SHISA9: variants seen among roughly 807,000 people sequenced by gnomAD.
SHISA9 encodes shisa family member 9.
A neutral mutation model predicts 38.0 loss-of-function variants in SHISA9; 13 were observed. The observed-to-expected ratio is 0.34, with a 90% CI of 0.22 to 0.54. The LOEUF (loss-of-function observed/expected upper bound fraction) is 0.54. SHISA9 is among the 20% of genes least tolerant of loss of function. The pLI, the probability that SHISA9 is intolerant of heterozygous loss-of-function variation, is 0.91. For missense variants in SHISA9, 538 were observed against 575.8 expected (o/e 0.93, Z 0.67); for synonymous variants, 275 against 242.0 (o/e 1.14, Z -1.27).
chr16:13,379,897 A>G, the SHISA9 span, among the ~76,000 whole-genome samples: 34 of 152,190 alleles, frequency 2.2e-4, no homozygotes, highest in Admixed American at 2.2e-3. Context: ...TACAGCTAAT[A>G]TTACATTATA....
At chr16:13,360,076 G>C in the SHISA9 span, among the ~76,000 whole-genome samples, 4 of 152,196 alleles carry the variant, frequency 2.6e-5, no homozygotes, top group Admixed American at 6.5e-5. Flanking sequence ...ATCCGGTTCT[G>C]GGGACTGGAA....
At position 12,916,539 on chromosome 16, in the gene SHISA9, T is replaced by TA. The variant is rs559172664; in HGVS notation, c.564-148dup. The TA allele has an allele frequency of 6.1e-5, 55 of 896,374 alleles. No homozygotes were observed. In the East Asian group the frequency reaches 1.1e-3, roughly 18 times the overall value. The allele number at this position is 896,374 out of a possible 1,614,324, so 55.5% of individuals were successfully genotyped here. A position where few individuals can be genotyped will look rare whatever the true frequency, so the allele number is the denominator to read the frequency against. ...TCTAATTACAGTGATTTTATTTACT[T>TA]ACGTTTTTCTCTACTCCACCCCTAA... On this transcript the variant is annotated intron_variant, in intron 1 of 4. Coordinates refer to ENST00000558583, the MANE Select transcript of SHISA9 (RefSeq NM_001145204.3).
intron 2 of SHISA9, among the ~76,000 whole-genome samples, chr16:13,075,891 C>T (rs1462784249): frequency 6.6e-6 from 1 of 152,056 alleles, no homozygotes; most frequent in Non-Finnish European, 1.5e-5. Flanking sequence ...CCTGTGCATT[C>T]TAGGGTGTTT....
chr16:13,162,581 T>C (rs1479285784), intron 2 of SHISA9, among the ~76,000 whole-genome samples: 1 of 152,178 alleles, frequency 6.6e-6, no homozygotes, highest in African/African-American at 2.4e-5. Context: ...TCCTCTCTGG[T>C]AGAACTGGGC....
At chr16:12,962,007 G>A (rs868485754) in intron 2 of SHISA9, among the ~76,000 whole-genome samples, 2 of 152,202 alleles carry the variant, frequency 1.3e-5, no homozygotes, top group African/African-American at 2.4e-5. Flanking sequence ...CTGTGGCGAC[G>A]TCAACATCAG....
At chr16:13,214,747 T>C (rs1394973074) in intron 4 of SHISA9, among the ~76,000 whole-genome samples, 2 of 152,066 alleles carry the variant, frequency 1.3e-5, no homozygotes, top group Non-Finnish European at 2.9e-5. Context: ...AAGGGAGAGC[T>C]TGTGCGGAGA....
At chr16:13,542,660 A>G in the SHISA9 span, among the ~76,000 whole-genome samples, 1 of 152,168 alleles carries the variant, frequency 6.6e-6, no homozygotes, top group East Asian at 1.9e-4. Flanking sequence ...TTTCCCAGGG[A>G]CAACAAAATG....
chr16:13,498,289 G>A, the SHISA9 span, among the ~76,000 whole-genome samples: 1 of 152,046 alleles, frequency 6.6e-6, no homozygotes, highest in Non-Finnish European at 1.5e-5. Context: ...CAAATAGAAG[G>A]AAAGCTTTAA....
chr16:13,223,141 A>T (rs757770222), intron 4 of SHISA9, among the ~76,000 whole-genome samples: 6 of 152,188 alleles, frequency 3.9e-5, no homozygotes, highest in Non-Finnish European at 5.9e-5. Flanking sequence ...CAAAAGTCAG[A>T]CATGGCTGGG....
the SHISA9 span, among the ~76,000 whole-genome samples, chr16:13,498,340 T>C: frequency 1.3e-5 from 2 of 152,212 alleles, no homozygotes; most frequent in Non-Finnish European, 2.9e-5. Flanking sequence ...GACAGTGACA[T>C]GGTCAACTAC....
At chr16:13,128,008 C>G (rs1198025194) in intron 2 of SHISA9, among the ~76,000 whole-genome samples, 6 of 152,188 alleles carry the variant, frequency 3.9e-5, no homozygotes, top group Admixed American at 3.3e-4. Context: ...CGTCTGTGAA[C>G]GGGACCTTTC....
chr16:13,118,015 C>T (rs1289048201), intron 2 of SHISA9, among the ~76,000 whole-genome samples: 1 of 151,984 alleles, frequency 6.6e-6, no homozygotes, highest in South Asian at 2.1e-4. Flanking sequence ...AACCCCATCT[C>T]TACTAAAAAT....
Position 13,235,199 on chromosome 16 carries a change from GCC to G in SHISA9, c.1069_1070del (p.Pro357ThrfsTer12). The G allele has an allele frequency of 6.4e-7, 1 of 1,551,668 alleles. No homozygotes were observed. Among genetic ancestry groups the G allele is most frequent in the Non-Finnish European group, 8.7e-7 (1 of 1,146,990 alleles). On this transcript the variant is annotated frameshift_variant, in exon 5 of 5. Coordinates refer to ENST00000558583, the MANE Select transcript of SHISA9 (RefSeq NM_001145204.3). LOFTEE classifies it high-confidence loss of function. ...GACAGAAGTCCCGCACCAACAAGAT[GCC>G]CCCACATCCCCTGGCCTACACCTCT... ...NGQKSRTNKM[P>X]PHPLAYTSTT... is the part of the protein sequence containing the mutation.
the SHISA9 span, among the ~76,000 whole-genome samples, chr16:13,514,641 C>T: frequency 2.6e-5 from 4 of 152,026 alleles, no homozygotes; most frequent in Non-Finnish European, 4.4e-5. Context: ...AAACCTTCCA[C>T]AGAGGCAAAA....
chr16:13,044,585 GGTTT>G (rs1326937494), intron 2 of SHISA9, among the ~76,000 whole-genome samples: 1 of 152,170 alleles, frequency 6.6e-6, no homozygotes, highest in Non-Finnish European at 1.5e-5. Flanking sequence ...TTCAACAGAA[GGTTT>G]GTTTGAGGAA....
At chr16:13,546,772 AT>A in the SHISA9 span, among the ~76,000 whole-genome samples, 1 of 152,214 alleles carries the variant, frequency 6.6e-6, no homozygotes, top group Admixed American at 6.5e-5. Context: ...TTACATGTTC[AT>A]GGCTGCTTTC....
At chr16:13,024,926 GC>G (rs1171141901) in intron 2 of SHISA9, among the ~76,000 whole-genome samples, 1 of 152,154 alleles carries the variant, frequency 6.6e-6, no homozygotes, top group Non-Finnish European at 1.5e-5. Flanking sequence ...TCTGTCAAAT[GC>G]AAGTGTGAAC....
At chr16:13,415,000 A>G in the SHISA9 span, among the ~76,000 whole-genome samples, 1 of 152,138 alleles carries the variant, frequency 6.6e-6, no homozygotes, top group Non-Finnish European at 1.5e-5. Flanking sequence ...TACAGAAACA[A>G]CTGGATTGGC....
At chr16:13,309,864 A>G in the SHISA9 span, among the ~76,000 whole-genome samples, 3 of 151,836 alleles carry the variant, frequency 2.0e-5, no homozygotes. Flanking sequence ...TATTTTATTT[A>G]TTTATTTACT....
Sources: gnomAD v4.1 joint callset for allele counts (sites outside exome capture counted in the v4.1 genomes callset) on GRCh38, gnomAD v4.1.1 for gene constraint, MANE v1.5 for transcripts, NCBI Gene and HGNC (gene_info 2026-07-23, HGNC 2026-07-21) for gene names.